SHC3: variants seen among roughly 807,000 people sequenced by gnomAD.
SHC3 encodes the protein SHC adaptor protein 3.
SHC3 carries 15 observed loss-of-function variants against 60.4 expected under a neutral mutation model. The observed-to-expected ratio is 0.25, with a 90% CI of 0.17 to 0.38. The LOEUF is 0.38. Ranked by LOEUF, SHC3 falls within the 10% of genes least tolerant of loss-of-function variation. The pLI is 1.00. For synonymous variants in SHC3, 294 were observed against 325.9 expected (o/e 0.90, Z 1.05); for missense variants, 677 against 786.1 (o/e 0.86, Z 1.66).
rs112040497 is a variant in SHC3, at chr9:89,178,082, C to T, written c.379G>A (p.Gly127Ser). 2 of 1,193,108 alleles carry T rather than the reference C, an allele frequency of 1.7e-6. No individual in the cohort carries two copies. The highest frequency in any genetic ancestry group is 1.6e-5 in the African/African-American group (1 of 62,806). 73.9% of individuals were successfully genotyped at this position (1,193,108 alleles called of 1,614,324 possible). Residue 127 changes from glycine (G) to serine (S), a missense_variant, in exon 1 of 12, where the codon GGC becomes AGC. Physicochemically the swap from Gly to Ser is moderately conservative, Grantham distance 56. Coordinates refer to ENST00000375835, the MANE Select transcript of SHC3 (RefSeq NM_016848.6). The surrounding 1 kb of genome is among the most constrained non-coding windows in gnomAD (Gnocchi z 6.9). ...RAPAMSAARK[G>S]RPGDEPLPRP... ...GGCAGCGGCTCGTCGCCGGGCCGGC[C>T]CTTCCTGGCGGCGCTCATGGCCGGG...
intron 11 of SHC3, chr9:89,037,421 T>C: frequency 1.5e-6 from 1 of 677,226 alleles, no homozygotes; most frequent in South Asian, 1.7e-5. Flanking sequence ...CAGGTAAAGA[T>C]GAATGTCTTT....
In SHC3 at chr9:89,178,669, C is replaced by G; in HGVS notation, c.-209G>C. Reference sequence around the variant, plus strand: ...ACAGCGGCGGCCGCGCAGCCCCGGCCCGGGAGACCGCTGCTTGGGGTTGCA... The same window carrying G: ...ACAGCGGCGGCCGCGCAGCCCCGGCGCGGGAGACCGCTGCTTGGGGTTGCA... On this transcript the variant is annotated 5_prime_UTR_variant, in exon 1 of 12. Transcript: ENST00000375835. This position sits in a 1 kb window ranked among gnomAD's most constrained non-coding sequence, Gnocchi z 6.9. 1 of 436,896 alleles carries G rather than the reference C, an allele frequency of 2.3e-6. No individual in the cohort carries two copies. The highest frequency in any genetic ancestry group is 4.0e-6 in the Non-Finnish European group (1 of 251,044). The allele number at this position is 436,896 out of a possible 1,614,324, so 27.1% of individuals were successfully genotyped here.
chr9:89,029,210 A>C (rs1824430905), intron 11 of SHC3, among the ~76,000 whole-genome samples: 1 of 151,744 alleles, frequency 6.6e-6, no homozygotes, highest in African/African-American at 2.4e-5. Flanking sequence ...AGAAGGCAGG[A>C]AATTATCAAA....
At chr9:89,151,016 C>CTT (rs35724935) in intron 1 of SHC3, among the ~76,000 whole-genome samples, 1 of 140,560 alleles carries the variant, frequency 7.1e-6, no homozygotes, top group African/African-American at 2.6e-5. Flanking sequence ...ATCTGCATGT[C>CTT]TTTTTTTTTT....
chr9:89,138,063 C>T (rs945948440), intron 1 of SHC3, among the ~76,000 whole-genome samples: 2 of 152,184 alleles, frequency 1.3e-5, no homozygotes, highest in African/African-American at 4.8e-5. Flanking sequence ...TCTGATGCTT[C>T]TCGCCTTGCC....
intron 2 of SHC3, among the ~76,000 whole-genome samples, chr9:89,102,100 T>C (rs541536566): frequency 6.6e-6 from 1 of 152,316 alleles, no homozygotes; most frequent in East Asian, 1.9e-4. Context: ...GTTAAATTCA[T>C]TAGCATCAAG....
chr9:89,024,998 T>A (rs1433758559), intron 11 of SHC3, among the ~76,000 whole-genome samples: 1 of 152,160 alleles, frequency 6.6e-6, no homozygotes. Flanking sequence ...TGGGCTTCAA[T>A]TGCCTGGGAA....
chr9:89,165,972 C>A (rs1826783173), intron 1 of SHC3, among the ~76,000 whole-genome samples: 1 of 152,142 alleles, frequency 6.6e-6, no homozygotes, highest in South Asian at 2.1e-4. Context: ...GTAGAATAAT[C>A]TTTTGGAAAA....
chr9:89,109,730 C>A, intron 2 of SHC3: 1 of 985,528 alleles, frequency 1.0e-6, no homozygotes, highest in Non-Finnish European at 1.2e-6. Context: ...CATCTTCAGG[C>A]ATCTCCAGGC....
intron 11 of SHC3, among the ~76,000 whole-genome samples, chr9:89,025,620 A>C (rs953728577): frequency 6.6e-6 from 1 of 152,200 alleles, no homozygotes; most frequent in African/African-American, 2.4e-5. Flanking sequence ...ATGCCTCATT[A>C]TATCTTCCTC....
chr9:89,139,701 C>T lies in SHC3; in HGVS notation c.475-27075G>A, dbSNP rs561316988. 2.8e-4 allele frequency among the ~76,000 whole-genome samples: 43 copies of T among 152,282 alleles called. No individual in the cohort carries two copies. The South Asian group carries it at 4.1e-3, about 15-fold the overall frequency. On this transcript the variant is annotated intron_variant, in intron 1 of 11. Coordinates refer to ENST00000375835, the MANE Select transcript of SHC3 (RefSeq NM_016848.6). ...GCATGAGGCCAGTTTCTTCAAGGGG[C>T]TTTTATTAGCTTTACAAATCAAGTT...
intron 1 of SHC3, among the ~76,000 whole-genome samples, chr9:89,176,324 C>T (rs1401938400): frequency 6.6e-6 from 1 of 152,210 alleles, no homozygotes; most frequent in East Asian, 1.9e-4. Context: ...CCACATTTGA[C>T]CTTTCAAACT....
chr9:89,034,312 G>A (rs1464997175), intron 11 of SHC3, among the ~76,000 whole-genome samples: 1 of 152,174 alleles, frequency 6.6e-6, no homozygotes, highest in Non-Finnish European at 1.5e-5. Context: ...TAGGCATTCA[G>A]TATGTATTTG....
At chr9:89,083,065 C>T (rs964874727) in intron 2 of SHC3, among the ~76,000 whole-genome samples, 3 of 152,224 alleles carry the variant, frequency 2.0e-5, no homozygotes, top group Non-Finnish European at 2.9e-5. Flanking sequence ...TCTCACCCCA[C>T]ACAAGGTAGC....
chr9:89,096,011 G>A (rs1009972398), intron 2 of SHC3, among the ~76,000 whole-genome samples: 6 of 152,138 alleles, frequency 3.9e-5, no homozygotes, highest in Admixed American at 2.0e-4. Flanking sequence ...CTCTGTGGGC[G>A]TCTGGCCACA....
intron 1 of SHC3, among the ~76,000 whole-genome samples, chr9:89,132,436 G>T (rs1014640990): frequency 2.6e-5 from 4 of 152,164 alleles, no homozygotes; most frequent in African/African-American, 9.7e-5. Context: ...AACCAAAAAA[G>T]AGCCTGCATT....
intron 2 of SHC3, among the ~76,000 whole-genome samples, chr9:89,086,402 C>T (rs1208229684): frequency 6.6e-6 from 1 of 152,198 alleles, no homozygotes; most frequent in Non-Finnish European, 1.5e-5. Flanking sequence ...CTCAGGGAAA[C>T]ACATTTACTG....
At chr9:89,093,515 CA>C (rs201692301) in intron 2 of SHC3, among the ~76,000 whole-genome samples, 2,686 of 138,860 alleles carry the variant, frequency 0.019, 38 homozygotes, top group Middle Eastern at 0.068. Flanking sequence ...ACAAAATATG[CA>C]AAAAGCTCCC....
chr9:89,170,080 C>T (rs145819290), intron 1 of SHC3, among the ~76,000 whole-genome samples: 2 of 152,164 alleles, frequency 1.3e-5, no homozygotes, highest in East Asian at 3.9e-4. Flanking sequence ...TTGTGGAGGC[C>T]TTTTCCTTGG....
Sources: allele counts gnomAD v4.1 joint callset (sites outside exome capture counted in the v4.1 genomes callset), GRCh38; gene constraint gnomAD v4.1.1; non-coding constraint Gnocchi (gnomAD v3.1); transcripts MANE v1.5; gene names NCBI Gene and HGNC (gene_info 2026-07-23, HGNC 2026-07-21).